WWOX: variants seen among roughly 807,000 people sequenced by gnomAD.
WWOX encodes the protein WW domain-containing oxidoreductase.
In WWOX, 69 loss-of-function variants were observed where a neutral mutation model predicts 46.2. The ratio of observed to expected loss-of-function variants is 1.49; its 90% CI spans 1.23 to 1.82. The LOEUF (loss-of-function observed/expected upper bound fraction) is 1.82, where lower values mean the gene tolerates loss of function less well. Ranked by LOEUF, WWOX falls within the 40% of genes most tolerant of loss-of-function variation. The pLI is 0.00. For missense variants in WWOX, 919 were observed against 542.6 expected (o/e 1.69, Z -6.89); for synonymous variants, 359 against 202.6 (o/e 1.77, Z -6.56).
chr16:78,608,039 C>T (rs2151626602), intron 8 of WWOX, among the ~76,000 whole-genome samples: 1 of 152,246 alleles, frequency 6.6e-6, no homozygotes, highest in South Asian at 2.1e-4. Context: ...AATCTTATAT[C>T]ATTAGATTTC....
At chr16:78,331,816 C>G (rs1268898183) in intron 5 of WWOX, among the ~76,000 whole-genome samples, 1 of 150,432 alleles carries the variant, frequency 6.6e-6, no homozygotes, top group Non-Finnish European at 1.5e-5. Flanking sequence ...CATTGGCATT[C>G]ATTGCTTTAT....
chr16:79,139,103 G>A (rs536561046), intron 8 of WWOX, among the ~76,000 whole-genome samples: 1 of 152,182 alleles, frequency 6.6e-6, no homozygotes, highest in East Asian at 1.9e-4. Context: ...AGCTTCCCCG[G>A]CCCCATTCCC....
At chr16:78,249,379 C>T (rs1386504920) in intron 5 of WWOX, among the ~76,000 whole-genome samples, 1 of 152,204 alleles carries the variant, frequency 6.6e-6, no homozygotes, top group Non-Finnish European at 1.5e-5. Context: ...GAATGCCACT[C>T]GTATTGTTTA....
intron 8 of WWOX, among the ~76,000 whole-genome samples, chr16:78,862,911 C>G (rs2043921881): frequency 6.6e-6 from 1 of 151,874 alleles, no homozygotes; most frequent in Non-Finnish European, 1.5e-5. Flanking sequence ...TATCCTGTGG[C>G]CCAGTCAAGT....
chr16:78,736,199 G>C (rs537980855), intron 8 of WWOX, among the ~76,000 whole-genome samples: 1 of 152,302 alleles, frequency 6.6e-6, no homozygotes, highest in Admixed American at 6.5e-5. Flanking sequence ...TCCTTGGGGG[G>C]CTCTGGAATA....
chr16:78,726,062 C>G (rs373797332), intron 8 of WWOX, among the ~76,000 whole-genome samples: 3 of 146,214 alleles, frequency 2.1e-5, no homozygotes, highest in East Asian at 4.0e-4. Context: ...TTACTCCTCC[C>G]TGCTTCCCTT....
intron 8 of WWOX, among the ~76,000 whole-genome samples, chr16:78,967,600 CA>C (rs1359486868): frequency 6.6e-6 from 1 of 151,744 alleles, no homozygotes; most frequent in Non-Finnish European, 1.5e-5. Flanking sequence ...CCACTATGCC[CA>C]ATACCCCCTA....
At chr16:78,879,502 C>CAA (rs61148764) in intron 8 of WWOX, among the ~76,000 whole-genome samples, 1 of 141,000 alleles carries the variant, frequency 7.1e-6, no homozygotes. Flanking sequence ...AGTCCACTCT[C>CAA]AAAAAAAAAA....
At chr16:79,035,601 G>A (rs574514570) in intron 8 of WWOX, among the ~76,000 whole-genome samples, 4 of 152,276 alleles carry the variant, frequency 2.6e-5, no homozygotes, top group East Asian at 1.9e-4. Context: ...TGTGGTAGGT[G>A]GGATCTTGGC....
intron 8 of WWOX, among the ~76,000 whole-genome samples, chr16:78,807,550 A>G (rs1203620637): frequency 2.0e-5 from 3 of 152,240 alleles, no homozygotes; most frequent in Non-Finnish European, 2.9e-5. Flanking sequence ...GACAGTGGCT[A>G]AAACCTGATT....
chr16:78,463,866 T>A (rs946790064), intron 8 of WWOX, among the ~76,000 whole-genome samples: 6 of 152,226 alleles, frequency 3.9e-5, no homozygotes, highest in African/African-American at 1.4e-4. Flanking sequence ...GAGGGTGAGC[T>A]AAACTTCCTC....
At chr16:78,671,132 T>C (rs1289685494) in intron 8 of WWOX, among the ~76,000 whole-genome samples, 2 of 152,136 alleles carry the variant, frequency 1.3e-5, no homozygotes, top group Admixed American at 1.3e-4. Flanking sequence ...AAAGAATAAA[T>C]TGCTGTTGGG....
At chr16:78,565,727 C>T (rs1021633144) in intron 8 of WWOX, among the ~76,000 whole-genome samples, 6 of 152,182 alleles carry the variant, frequency 3.9e-5, no homozygotes, top group African/African-American at 1.2e-4. Context: ...CTGGACTTCA[C>T]GTTCCCTCAT....
intron 8 of WWOX, among the ~76,000 whole-genome samples, chr16:78,524,579 C>T (rs568252976): frequency 6.6e-6 from 1 of 151,866 alleles, no homozygotes; most frequent in East Asian, 1.9e-4. Flanking sequence ...CACCACCAGG[C>T]TCTGCTAATT....
intron 8 of WWOX, among the ~76,000 whole-genome samples, chr16:78,744,824 C>G (rs1468390390): frequency 6.6e-6 from 1 of 152,148 alleles, no homozygotes; most frequent in African/African-American, 2.4e-5. Context: ...GTTGGTTGGC[C>G]TGAAGACCCA....
chr16:79,163,408 A>G (rs1370841172), intron 8 of WWOX, among the ~76,000 whole-genome samples: 2 of 152,168 alleles, frequency 1.3e-5, no homozygotes, highest in Admixed American at 6.5e-5. Flanking sequence ...AAGGCGCCTA[A>G]TTTATGAAGT....
At position 79,191,385 on chromosome 16, in the gene WWOX, C is replaced by G. The variant is rs892192825; in HGVS notation, c.1057-20223C>G. On this transcript the variant is annotated intron_variant, in intron 8 of 8. Coordinates refer to ENST00000566780, the MANE Select transcript of WWOX (RefSeq NM_016373.4). ...ACTTCTCTTTATGGGAGAGAAAGGC[C>G]ACCGAGATAGTAAGTGGACATCAGG... Among the ~76,000 whole-genome samples, 3 of 152,238 alleles carry G rather than the reference C, an allele frequency of 2.0e-5. No individual in the cohort carries two copies. In the East Asian group the frequency reaches 5.8e-4, roughly 29 times the overall value.
chr16:78,862,403 T>G (rs1182299554), intron 8 of WWOX, among the ~76,000 whole-genome samples: 2 of 151,480 alleles, frequency 1.3e-5, no homozygotes, highest in Admixed American at 1.3e-4. Flanking sequence ...CTATAGTGTA[T>G]GTACTATACA....
At chr16:78,678,282 A>G (rs538414502) in intron 8 of WWOX, among the ~76,000 whole-genome samples, 2 of 152,328 alleles carry the variant, frequency 1.3e-5, no homozygotes, top group Admixed American at 1.3e-4. Flanking sequence ...AGGCTGAGAC[A>G]GGAGGATCGC....
Sources: gnomAD v4.1 joint callset for allele counts (sites outside exome capture counted in the v4.1 genomes callset) on GRCh38, gnomAD v4.1.1 for gene constraint, MANE v1.5 for transcripts, NCBI Gene and HGNC (gene_info 2026-07-23, HGNC 2026-07-21) for gene names.